The following CCDC141 variants were observed in gnomAD, a reference collection of about 807,000 sequenced individuals.
CCDC141 encodes the protein coiled-coil domain containing 141.
A neutral mutation model predicts 181.0 loss-of-function variants in CCDC141; 168 were observed. The observed-to-expected ratio is 0.93, with a 90% CI of 0.82 to 1.05. The LOEUF (loss-of-function observed/expected upper bound fraction) is 1.05, where lower values mean the gene tolerates loss of function less well. CCDC141 is among the 50% of genes least tolerant of loss of function. The pLI, the probability that CCDC141 is intolerant of heterozygous loss-of-function variation, is 0.00. For synonymous variants in CCDC141, 666 were observed against 642.3 expected (o/e 1.04, Z -0.56); for missense variants, 1,902 against 1,788.5 (o/e 1.06, Z -1.14).
At chr2:178,817,602 C>A in the CCDC141 span, 1 of 470,840 alleles carries the variant, frequency 2.1e-6, no homozygotes, top group South Asian at 1.6e-5. Flanking sequence ...GGACACTGTG[C>A]AGTGTGGAAG....
At chr2:178,886,453 T>C (rs1015113281) in intron 10 of CCDC141, among the ~76,000 whole-genome samples, 6 of 152,192 alleles carry the variant, frequency 3.9e-5, no homozygotes, top group African/African-American at 1.4e-4. Flanking sequence ...CCCTGCCTCC[T>C]CTGCCACCCC....
chr2:179,016,108 A>G (rs1342006762), intron 2 of CCDC141, among the ~76,000 whole-genome samples: 1 of 151,016 alleles, frequency 6.6e-6, no homozygotes, highest in Non-Finnish European at 1.5e-5. Flanking sequence ...GAAAATCAAA[A>G]GTTGTATGTT....
intron 8 of CCDC141, among the ~76,000 whole-genome samples, chr2:178,895,929 G>A (rs143555928): frequency 0.011 from 1,643 of 152,236 alleles, 34 homozygotes; most frequent in African/African-American, 0.037. Flanking sequence ...TTTTCACTGT[G>A]TTAAGGGCTT....
intron 20 of CCDC141, among the ~76,000 whole-genome samples, chr2:178,851,202 T>C (rs918735202): frequency 1.2e-5 from 1 of 84,756 alleles, no homozygotes; most frequent in Non-Finnish European, 2.1e-5. Flanking sequence ...CAAGACTTTG[T>C]CTCAAAAAAA....
At chr2:178,971,315 A>G (rs1289302938) in intron 4 of CCDC141, among the ~76,000 whole-genome samples, 1 of 152,246 alleles carries the variant, frequency 6.6e-6, no homozygotes, top group Non-Finnish European at 1.5e-5. Flanking sequence ...CAAACATATG[A>G]AAAAATGCTC....
chr2:178,855,727 G>A (rs1171059459), intron 18 of CCDC141, among the ~76,000 whole-genome samples, 186 bp from the exon 19 acceptor site: 1 of 152,146 alleles, frequency 6.6e-6, no homozygotes. Flanking sequence ...TTAGCATTCA[G>A]CAAATAAATA....
chr2:179,041,173 G>A (rs935610375), intron 2 of CCDC141, among the ~76,000 whole-genome samples: 5 of 152,002 alleles, frequency 3.3e-5, no homozygotes, highest in Non-Finnish European at 5.9e-5. Context: ...CTGGGTTCAC[G>A]CCATTTTCCT....
intron 14 of CCDC141, among the ~76,000 whole-genome samples, chr2:178,870,128 A>G (rs1686045127): frequency 6.7e-6 from 1 of 149,826 alleles, no homozygotes; most frequent in Non-Finnish European, 1.5e-5. Flanking sequence ...GCTACCCCAG[A>G]GGCTGAGACA....
At chr2:178,919,116 T>A (rs1688579705) in intron 6 of CCDC141, among the ~76,000 whole-genome samples, 2 of 152,208 alleles carry the variant, frequency 1.3e-5, no homozygotes, top group South Asian at 4.2e-4. Flanking sequence ...AAGTTGGCAG[T>A]CTGCAACCCA....
At chr2:179,015,761 A>G (rs1267737915) in intron 2 of CCDC141, among the ~76,000 whole-genome samples, 1 of 134,968 alleles carries the variant, frequency 7.4e-6, no homozygotes, top group Non-Finnish European at 1.6e-5. Context: ...TATCTCATAT[A>G]TATCATATAT....
intron 2 of CCDC141, among the ~76,000 whole-genome samples, chr2:178,985,728 A>G (rs1332592921): frequency 6.6e-6 from 1 of 152,242 alleles, no homozygotes; most frequent in Non-Finnish European, 1.5e-5. Flanking sequence ...AGAAATAGAT[A>G]AATTCCTCGA....
chr2:178,961,538 G>A, intron 4 of CCDC141, 55 bp from the exon 5 acceptor site: 1 of 1,285,496 alleles, frequency 7.8e-7, no homozygotes, highest in Non-Finnish European at 1.1e-6. Context: ...CTTTTATACA[G>A]CAATATTCAG....
intron 2 of CCDC141, among the ~76,000 whole-genome samples, chr2:179,043,546 A>G (rs1167185904): frequency 6.6e-6 from 1 of 152,264 alleles, no homozygotes; most frequent in Non-Finnish European, 1.5e-5. Flanking sequence ...AATGTGATTC[A>G]TTACATAAAC....
chr2:178,817,515 A>G, the CCDC141 span: 1 of 470,960 alleles, frequency 2.1e-6, no homozygotes, highest in Non-Finnish European at 4.4e-6. Flanking sequence ...AGACAAAACC[A>G]CATGACCTAC....
intron 6 of CCDC141, among the ~76,000 whole-genome samples, chr2:178,944,033 T>G (rs1452646285): frequency 1.3e-5 from 2 of 152,200 alleles, no homozygotes; most frequent in African/African-American, 4.8e-5. Flanking sequence ...TAGTGACATC[T>G]CAGTGTAGAA....
intron 7 of CCDC141, among the ~76,000 whole-genome samples, chr2:178,907,299 A>G (rs1042372328): frequency 3.9e-5 from 6 of 152,192 alleles, no homozygotes; most frequent in African/African-American, 1.4e-4. Flanking sequence ...AGGTTAAATA[A>G]ATTGCAGAAA....
At chr2:178,988,743 TAAACTTCA>T (rs1344320903) in intron 2 of CCDC141, among the ~76,000 whole-genome samples, 2 of 152,164 alleles carry the variant, frequency 1.3e-5, no homozygotes, top group Non-Finnish European at 2.9e-5. Flanking sequence ...CTCACACTTC[TAAACTTCA>T]AAACTTACTA....
chr2:178,883,875 T>A (rs1686743653), intron 11 of CCDC141, among the ~76,000 whole-genome samples: 1 of 152,056 alleles, frequency 6.6e-6, no homozygotes, highest in Non-Finnish European at 1.5e-5. Flanking sequence ...TCATCTAGTA[T>A]AACCAGACAA....
chr2:178,815,434 A>G, the CCDC141 span, among the ~76,000 whole-genome samples: 2 of 152,140 alleles, frequency 1.3e-5, no homozygotes, highest in South Asian at 4.1e-4. Flanking sequence ...AAAATGAGGA[A>G]GCTTTAGCAA....
Sources: gnomAD v4.1 joint callset for allele counts (sites outside exome capture counted in the v4.1 genomes callset) on GRCh38, gnomAD v4.1.1 for gene constraint, MANE v1.5 for transcripts, NCBI Gene and HGNC (gene_info 2026-07-23, HGNC 2026-07-21) for gene names.